KATNAL1: variants seen among roughly 807,000 people sequenced by gnomAD.
KATNAL1 encodes the protein katanin p60 ATPase-containing subunit A-like 1.
A neutral mutation model predicts 55.2 loss-of-function variants in KATNAL1; 32 were observed. That is an observed-to-expected ratio of 0.58 (90% CI 0.44 to 0.78). The LOEUF (loss-of-function observed/expected upper bound fraction) is 0.78, where lower values mean the gene tolerates loss of function less well. Ranked by LOEUF, KATNAL1 falls within the 30% of genes least tolerant of loss-of-function variation. The probability of loss-of-function intolerance (pLI) is 0.00; values close to 1 mark genes in which losing one functional copy is unlikely to be tolerated. For synonymous variants in KATNAL1, 193 were observed against 193.6 expected, an observed-to-expected ratio of 1.00 and a Z score of 0.02; for missense variants, 466 against 600.9, an observed-to-expected ratio of 0.78 and a Z score of 2.35.
chr13:30,259,480 A>C, intron 3 of KATNAL1, among the ~76,000 whole-genome samples: 1 of 152,116 alleles, frequency 6.6e-6, no homozygotes. Context: ...CTCACTAGGG[A>C]GTGCCAGACA....
chr13:30,296,227 G>A lies in KATNAL1; in HGVS notation c.-15+11104C>T, dbSNP rs189218673. ...CCATGGTGGATGGCGCCTTCAAAGAGGTGAAGCTGTCAGACTACAAAGGGA... is the reference window on the plus strand; with the variant it reads ...CCATGGTGGATGGCGCCTTCAAAGAAGTGAAGCTGTCAGACTACAAAGGGA... On this transcript the variant is annotated intron_variant, in intron 1 of 10. Coordinates refer to ENST00000380615, the MANE Select transcript of KATNAL1 (RefSeq NM_032116.5). 3.4e-4 allele frequency: 323 copies of A among 949,774 alleles called. 1 individual carries two copies. Among genetic ancestry groups the A allele is most frequent in the Admixed American group, 1.2e-3 (49 of 39,528 alleles). 58.8% of individuals were successfully genotyped at this position (949,774 alleles called of 1,614,324 possible).
chr13:30,209,436 T>C (rs1316665841), intron 10 of KATNAL1, among the ~76,000 whole-genome samples: 1 of 152,182 alleles, frequency 6.6e-6, no homozygotes, highest in Non-Finnish European at 1.5e-5. Context: ...GCCACTAAAC[T>C]TGGATGCACA....
At chr13:30,261,784 C>T (rs1879305632) in intron 3 of KATNAL1, among the ~76,000 whole-genome samples, 1 of 152,074 alleles carries the variant, frequency 6.6e-6, no homozygotes, top group South Asian at 2.1e-4. Context: ...CTTTAACACC[C>T]CACTGTCAAC....
chr13:30,227,630 G>A, intron 8 of KATNAL1, 84 bp from the exon 9 acceptor site: 1 of 1,465,890 alleles, frequency 6.8e-7, no homozygotes. Flanking sequence ...TTTAGCCAAA[G>A]TGGCAGAATC....
intron 4 of KATNAL1, among the ~76,000 whole-genome samples, chr13:30,243,775 A>G (rs1877514060): frequency 6.6e-6 from 1 of 152,134 alleles, no homozygotes; most frequent in Non-Finnish European, 1.5e-5. Flanking sequence ...TTAGTAATAA[A>G]AATCACTGGG....
Position 30,274,907 on chromosome 13 carries a change from GCACACACACACACACACA to G in KATNAL1, c.323+5138_323+5155del, listed in dbSNP as rs368435407. 6.3e-4 allele frequency among the ~76,000 whole-genome samples: 66 copies of G among 105,434 alleles called. 1 individual carries two copies. The highest frequency in any genetic ancestry group is 6.0e-3 in the South Asian group (19 of 3,156). 69.2% of individuals were successfully genotyped at this position (105,434 alleles called of 152,430 possible). The stretch of plus-strand genomic sequence containing the variant: ...CACACACATACGCGCGCGCGCGCGC[GCACACACACACACACACA>G]CACACACACACACACACACACACAC... On this transcript the variant is annotated intron_variant, in intron 3 of 10. Transcript: ENST00000380615.
Position 30,208,026 on chromosome 13 carries a change from C to CT in KATNAL1, c.*513dup, listed in dbSNP as rs1873311101. On this transcript the variant is annotated 3_prime_UTR_variant, in exon 11 of 11. Transcript: ENST00000380615. ...AAAAATTCTAACCATATGACAGACT[C>CT]TAACAGTAAGTCATAAATTCTAAAG... 1 of 152,176 alleles carries CT rather than the reference C, an allele frequency of 6.6e-6. No homozygotes were observed. Among genetic ancestry groups the CT allele is most frequent in the African/African-American group, 2.4e-5 (1 of 41,432 alleles). The allele number at this position is 152,176 out of a possible 1,614,324, so 9.4% of individuals were successfully genotyped here. A position where few individuals can be genotyped will look rare whatever the true frequency, so the allele number is the denominator to read the frequency against.
chr13:30,238,781 A>G (rs1393696906), intron 6 of KATNAL1, among the ~76,000 whole-genome samples: 2 of 152,224 alleles, frequency 1.3e-5, no homozygotes, highest in African/African-American at 4.8e-5. Flanking sequence ...CTCAGGGACT[A>G]TGTCTTGAAA....
In KATNAL1 at chr13:30,274,895, GCGCGCGCGCGCGCAC is replaced by G. The variant is rs956275605; in HGVS notation, c.323+5153_323+5167del. 2.1e-4 allele frequency among the ~76,000 whole-genome samples: 21 copies of G among 98,144 alleles called. 1 individual carries two copies. Among genetic ancestry groups the G allele is most frequent in the African/African-American group, 1.0e-3 (21 of 20,882 alleles). 64.4% of individuals were successfully genotyped at this position (98,144 alleles called of 152,430 possible). A position where few individuals can be genotyped will look rare whatever the true frequency, so the allele number is the denominator to read the frequency against. On this transcript the variant is annotated intron_variant, in intron 3 of 10. Transcript: ENST00000380615. Reference sequence around the variant, plus strand: ...GCGGGGTGTGTGCACACACATACGCGCGCGCGCGCGCGCACACACACACACACACACACACACACA... The same window carrying G: ...GCGGGGTGTGTGCACACACATACGCGACACACACACACACACACACACACA...
At chr13:30,212,163 C>CA (rs71093029) in intron 9 of KATNAL1, among the ~76,000 whole-genome samples, 12 of 151,624 alleles carry the variant, frequency 7.9e-5, no homozygotes, top group Admixed American at 1.3e-4. Context: ...GACATATATT[C>CA]AAAAAAAATC....
At chr13:30,223,808 G>A in intron 9 of KATNAL1, among the ~76,000 whole-genome samples, 1 of 152,076 alleles carries the variant, frequency 6.6e-6, no homozygotes, top group South Asian at 2.1e-4. Context: ...AGAAAAACTA[G>A]ACTAAAAAAT....
intron 4 of KATNAL1, among the ~76,000 whole-genome samples, chr13:30,243,713 C>T (rs915352067): frequency 1.3e-5 from 2 of 150,584 alleles, no homozygotes; most frequent in Admixed American, 6.6e-5. Context: ...GTCCAACAGA[C>T]GAATCAACTC....
intron 1 of KATNAL1, among the ~76,000 whole-genome samples, chr13:30,294,790 G>T (rs573476221): frequency 6.6e-6 from 1 of 152,182 alleles, no homozygotes; most frequent in African/African-American, 2.4e-5. Context: ...TCGTGTCAGG[G>T]GCTGATTTAG....
intron 1 of KATNAL1, among the ~76,000 whole-genome samples, chr13:30,298,376 T>C (rs1319756522): frequency 1.3e-5 from 2 of 152,224 alleles, no homozygotes; most frequent in East Asian, 1.9e-4. Flanking sequence ...TCCCATTATA[T>C]AGACATACTA....
chr13:30,289,205 T>C (rs1035089265), intron 1 of KATNAL1, among the ~76,000 whole-genome samples: 2 of 152,244 alleles, frequency 1.3e-5, no homozygotes, highest in African/African-American at 4.8e-5. Context: ...AACTGAGCAG[T>C]ATTGGTAACA....
At chr13:30,283,192 G>C (rs1362805095) in intron 2 of KATNAL1, among the ~76,000 whole-genome samples, 4 of 148,434 alleles carry the variant, frequency 2.7e-5, no homozygotes, top group African/African-American at 7.5e-5. Flanking sequence ...GCTTGAACCT[G>C]GGAGGCAGAG....
chr13:30,283,766 A>G lies in KATNAL1; in HGVS notation c.12T>C (p.Ala4=). ...CTTTCTTTGCATTATCACAAATCTC[A>G]GCCAAATTCATCTTCTTTCAGAGAC... The part of the protein sequence containing the change: MNL[A]EICDNAKKGR... Residue 4 remains alanine, a synonymous_variant, in exon 2 of 11, where the codon GCT becomes GCC. Transcript: ENST00000380615. The G allele has an allele frequency of 1.9e-6, 3 of 1,608,256 alleles. No individual in the cohort carries two copies. Among genetic ancestry groups the G allele is most frequent in the Non-Finnish European group, 2.5e-6 (3 of 1,176,868 alleles).
rs111240885 is a variant in KATNAL1, at chr13:30,247,814, ACT to A, written c.493-6730_493-6729del. 3.9e-3 allele frequency among the ~76,000 whole-genome samples: 588 copies of A among 152,202 alleles called. 5 individuals are homozygous for A. The highest frequency in any genetic ancestry group is 0.013 in the African/African-American group (550 of 41,536). On this transcript the variant is annotated intron_variant, in intron 4 of 10. Transcript: ENST00000380615. ...ACAATCTGACCTATATTTAAGAGGA[ACT>A]CTCTGGCTGCTCTGATGCCAACAAG...
At chr13:30,257,574 G>A (rs1878898194) in intron 3 of KATNAL1, among the ~76,000 whole-genome samples, 1 of 152,054 alleles carries the variant, frequency 6.6e-6, no homozygotes, top group Non-Finnish European at 1.5e-5. Flanking sequence ...CTCAGCTTGC[G>A]CTTTCCCCAC....
Sources: allele counts gnomAD v4.1 joint callset (sites outside exome capture counted in the v4.1 genomes callset), GRCh38; gene constraint gnomAD v4.1.1; transcripts MANE v1.5; gene names NCBI Gene and HGNC (gene_info 2026-07-23, HGNC 2026-07-21).